Variants in ZDHHC13 observed in about 807,000 individuals in gnomAD.
The protein encoded by ZDHHC13 is palmitoyltransferase ZDHHC13.
In ZDHHC13, 85 loss-of-function variants were observed where a neutral mutation model predicts 86.0. The ratio of observed to expected loss-of-function variants is 0.99; its 90% CI spans 0.83 to 1.18. ZDHHC13 has a LOEUF of 1.18. Ranked by LOEUF, ZDHHC13 falls within the 50% of genes most tolerant of loss-of-function variation. The pLI is 0.00. For missense variants in ZDHHC13, 711 were observed against 730.2 expected, an observed-to-expected ratio of 0.97 and a Z score of 0.30; for synonymous variants, 263 against 246.4, an observed-to-expected ratio of 1.07 and a Z score of -0.63.
intron 6 of ZDHHC13, 28 bp from the exon 7 acceptor site, chr11:19,152,130 C>G: frequency 1.9e-6 from 3 of 1,605,804 alleles, no homozygotes; most frequent in Non-Finnish European, 2.6e-6. Flanking sequence ...CTGTTAATGC[C>G]TCTTGGTATT....
intron 1 of ZDHHC13, among the ~76,000 whole-genome samples, chr11:19,127,543 G>C (rs1398409735): frequency 6.6e-6 from 1 of 152,100 alleles, no homozygotes; most frequent in South Asian, 2.1e-4. Context: ...ATCCAGGATG[G>C]TATGTCCTAG....
At chr11:19,131,885 C>T (rs184075905) in intron 1 of ZDHHC13, among the ~76,000 whole-genome samples, 27 of 152,230 alleles carry the variant, frequency 1.8e-4, no homozygotes, top group Admixed American at 2.0e-4. Flanking sequence ...CTGCCTGCCT[C>T]GGCCTCCCAA....
intron 10 of ZDHHC13, among the ~76,000 whole-genome samples, chr11:19,162,290 T>C (rs1378747230): frequency 6.6e-6 from 1 of 152,104 alleles, no homozygotes; most frequent in East Asian, 1.9e-4. Context: ...AAATTTTAGC[T>C]CCATATTGAG....
At chr11:19,163,492 C>A in intron 11 of ZDHHC13, 65 bp downstream of exon 11, 1 of 1,459,502 alleles carries the variant, frequency 6.9e-7, no homozygotes, top group South Asian at 1.5e-5. Flanking sequence ...AGTTTATATG[C>A]ACATATGCAG....
chr11:19,152,149 T>G lies in ZDHHC13; in HGVS notation c.585-9T>G. 6.2e-7 allele frequency: 1 copy of G among 1,610,288 alleles called. No individual in the cohort carries two copies. The highest frequency in any genetic ancestry group is 8.5e-7 in the Non-Finnish European group (1 of 1,177,916). On this transcript the variant is annotated splice_polypyrimidine_tract_variant and intron_variant, in intron 6 of 16. Coordinates refer to ENST00000446113, the MANE Select transcript of ZDHHC13 (RefSeq NM_019028.3). ...TAATGCCTCTTGGTATTTTATTATT[T>G]TGAGACAGGCCAGAACCAACTGGAT...
Position 19,117,297 on chromosome 11 carries a change from G to T in ZDHHC13, c.27+21G>T. ...CGCAGGTGAGTGCGGCCGGGCGGTG[G>T]CTGTCCTGGGGGCCGGGAGAGCGGC... On this transcript the variant is annotated intron_variant, in intron 1 of 16. Transcript: ENST00000446113. This position sits in a 1 kb window ranked among gnomAD's most constrained non-coding sequence, Gnocchi z 4.2. The T allele has an allele frequency of 6.8e-7, 1 of 1,468,474 alleles. No individual in the cohort carries two copies. The allele number at this position is 1,468,474 out of a possible 1,614,324, so 91.0% of individuals were successfully genotyped here. A position where few individuals can be genotyped will look rare whatever the true frequency, so the allele number is the denominator to read the frequency against.
intron 1 of ZDHHC13, among the ~76,000 whole-genome samples, chr11:19,136,320 T>C (rs1001715381): frequency 6.6e-6 from 1 of 151,938 alleles, no homozygotes; most frequent in African/African-American, 2.4e-5. Context: ...AGAAAGGGTA[T>C]CAGTGATGGA....
chr11:19,142,820 C>T (rs1031981502), intron 1 of ZDHHC13, among the ~76,000 whole-genome samples, 158 bp from the exon 2 acceptor site: 6 of 151,800 alleles, frequency 4.0e-5, no homozygotes, highest in African/African-American at 1.5e-4. Flanking sequence ...CTACAACCTC[C>T]GCCTCCTGGG....
chr11:19,154,061 A>G (rs190412794), intron 8 of ZDHHC13, among the ~76,000 whole-genome samples: 45 of 152,244 alleles, frequency 3.0e-4, no homozygotes, highest in African/African-American at 1.1e-3. Flanking sequence ...CATTTCTCCC[A>G]GAGTAAAAGC....
intron 1 of ZDHHC13, among the ~76,000 whole-genome samples, chr11:19,134,422 G>A (rs1357291497): frequency 1.3e-5 from 2 of 152,160 alleles, no homozygotes; most frequent in East Asian, 1.9e-4. Flanking sequence ...GTTTATTGCA[G>A]CACCATTCAC....
intron 8 of ZDHHC13, among the ~76,000 whole-genome samples, chr11:19,155,581 CAAAAAAAAAAAA>C (rs370534138): frequency 4.3e-5 from 2 of 46,808 alleles, no homozygotes; most frequent in African/African-American, 1.3e-4. Context: ...AACTTCATCT[CAAAAAAAAAAAA>C]AAAAAAAAAG....
intron 12 of ZDHHC13, chr11:19,164,808 C>T (rs1439688810): frequency 6.0e-6 from 3 of 503,938 alleles, no homozygotes; most frequent in African/African-American, 3.9e-5. Flanking sequence ...TGTGGTACTG[C>T]CTCATTTCTG....
chr11:19,153,991 T>C lies in ZDHHC13; in HGVS notation c.873+1307T>C, dbSNP rs78584441. ...CTGCCATGTTGGTTCAGCAGATGAA[T>C]CTTCTAAAATGTAAGTCGGGTCATG... On this transcript the variant is annotated intron_variant, in intron 8 of 16. Transcript: ENST00000446113. 6.8e-3 allele frequency among the ~76,000 whole-genome samples: 1,042 copies of C among 152,280 alleles called. 9 individuals carry two copies. The highest frequency in any genetic ancestry group is 0.024 in the African/African-American group (984 of 41,552).
At chr11:19,149,381 T>C in intron 5 of ZDHHC13, 50 bp downstream of exon 5, 1 of 1,422,880 alleles carries the variant, frequency 7.0e-7, no homozygotes, top group Non-Finnish European at 9.3e-7. Context: ...TCTGAAGAGG[T>C]TGGGGAAATT....
rs1204298169 is a variant in ZDHHC13, at chr11:19,149,214, A to G, written c.402A>G (p.Leu134=). ...IRQGHLPMVI[L]LLQHGADPTL... ...AAGGACATTTACCTATGGTCATATT[A>G]TTACTCCAGCATGGTGCAGACCCCA... The change falls in exon 5 of 17, where the codon TTA becomes TTG. Residue 134 remains leucine, a synonymous_variant. Transcript: ENST00000446113. 11 of 1,596,758 alleles carry G rather than the reference A, an allele frequency of 6.9e-6. No homozygotes were observed. In the South Asian group the frequency reaches 1.2e-4, roughly 18 times the overall value.
intron 10 of ZDHHC13, 38 bp from the exon 11 acceptor site, chr11:19,163,265 T>G (rs773948690): frequency 3.9e-6 from 6 of 1,549,850 alleles, no homozygotes; most frequent in Middle Eastern, 2.2e-4. Context: ...ACATTATTTT[T>G]AAAGGAAGTT....
intron 14 of ZDHHC13, chr11:19,166,621 T>C (rs1850077985): frequency 3.2e-6 from 1 of 315,898 alleles, no homozygotes; most frequent in Non-Finnish European, 5.7e-6. Context: ...TAGTCAAAAA[T>C]AGAAATTCAT....
chr11:19,155,347 G>A (rs1462161892), intron 8 of ZDHHC13, among the ~76,000 whole-genome samples: 2 of 152,014 alleles, frequency 1.3e-5, no homozygotes, highest in African/African-American at 2.4e-5. Context: ...TTGGGAGGCC[G>A]AGGCAGGTGG....
At chr11:19,141,690 T>TTTTA (rs397708018) in intron 1 of ZDHHC13, among the ~76,000 whole-genome samples, 1 of 151,154 alleles carries the variant, frequency 6.6e-6, no homozygotes, top group Admixed American at 6.6e-5. Context: ...TTTTTTTTTT[T>TTTTA]AACATTAGCG....
Sources: gnomAD v4.1 joint callset for allele counts (sites outside exome capture counted in the v4.1 genomes callset) on GRCh38, gnomAD v4.1.1 for gene constraint, Gnocchi (gnomAD v3.1) non-coding constraint, MANE v1.5 for transcripts, NCBI Gene and HGNC (gene_info 2026-07-23, HGNC 2026-07-21) for gene names.